Variants in SIDT2 observed in about 807,000 individuals in gnomAD.
The protein encoded by SIDT2 is SID1 transmembrane family member 2.
In SIDT2, 68 loss-of-function variants were observed where a neutral mutation model predicts 114.4. The observed-to-expected ratio is 0.59, with a 90% CI of 0.49 to 0.73. The LOEUF (loss-of-function observed/expected upper bound fraction) is 0.73, where lower values mean the gene tolerates loss of function less well. Ranked by LOEUF, SIDT2 falls within the 30% of genes least tolerant of loss-of-function variation. The pLI is 0.00. For missense variants in SIDT2, 918 were observed against 1,097.1 expected, an observed-to-expected ratio of 0.84 and a Z score of 2.31; for synonymous variants, 470 against 438.4, an observed-to-expected ratio of 1.07 and a Z score of -0.90.
At chr11:117,194,893 C>T (rs2030834100) in intron 24 of SIDT2, among the ~76,000 whole-genome samples, 1 of 151,904 alleles carries the variant, frequency 6.6e-6, no homozygotes, top group African/African-American at 2.4e-5. Context: ...TTGAGACCAT[C>T]CTGGCCAACA....
At chr11:117,180,771 GAT>G in intron 1 of SIDT2, among the ~76,000 whole-genome samples, 1 of 151,996 alleles carries the variant, frequency 6.6e-6, no homozygotes, top group Non-Finnish European at 1.5e-5. Flanking sequence ...CCTGACCTCA[GAT>G]GATCCTCCTG....
At chr11:117,184,258 AG>A in intron 8 of SIDT2, 119 bp downstream of exon 8, 1 of 946,238 alleles carries the variant, frequency 1.1e-6, no homozygotes, top group Non-Finnish European at 1.6e-6. Context: ...CTGGTGGGGT[AG>A]GAACGGGGAG....
At chr11:117,187,788 G>T (rs1345748666) in intron 12 of SIDT2, 89 bp downstream of exon 12, 9 of 1,291,746 alleles carry the variant, frequency 7.0e-6, no homozygotes, top group Non-Finnish European at 1.0e-5. Context: ...TCTTCTGCCA[G>T]ATGCTGGAAC....
intron 2 of SIDT2, 48 bp from the exon 3 acceptor site, chr11:117,181,759 G>A (rs1365295527): frequency 1.6e-5 from 25 of 1,611,970 alleles, no homozygotes; most frequent in Non-Finnish European, 2.0e-5. Flanking sequence ...GGAGGGGCAG[G>A]CCGGCTGGGA....
chr11:117,180,149 G>T (rs2030220362), intron 1 of SIDT2, among the ~76,000 whole-genome samples: 2 of 152,180 alleles, frequency 1.3e-5, no homozygotes, highest in Admixed American at 1.3e-4. Context: ...TTGCAACCTG[G>T]CTGTGTGGTC....
At position 117,196,228 on chromosome 11, in the gene SIDT2, TG is replaced by T; in HGVS notation, c.*166del. On this transcript the variant is annotated 3_prime_UTR_variant, in exon 26 of 26. Coordinates refer to ENST00000324225, the MANE Select transcript of SIDT2 (RefSeq NM_001040455.2). The surrounding 1 kb of genome is among the most constrained non-coding windows in gnomAD (Gnocchi z 4.9). Reference sequence around the variant, plus strand: ...GCTTAGGCTTGGCCTGGGACAGCCATGGGGTGGCATGGAACCTTGCAGCTGC... The same window carrying T: ...GCTTAGGCTTGGCCTGGGACAGCCATGGGTGGCATGGAACCTTGCAGCTGC... 1.1e-6 allele frequency: 1 copy of T among 908,042 alleles called. No homozygotes were observed. The highest frequency in any genetic ancestry group is 1.7e-6 in the Non-Finnish European group (1 of 606,038). 56.2% of individuals were successfully genotyped at this position (908,042 alleles called of 1,614,324 possible). A position where few individuals can be genotyped will look rare whatever the true frequency, so the allele number is the denominator to read the frequency against.
Position 117,196,204 on chromosome 11 carries a change from C to T in SIDT2, c.*138C>T, listed in dbSNP as rs1225871045. On this transcript the variant is annotated 3_prime_UTR_variant, in exon 26 of 26. Transcript: ENST00000324225. This position sits in a 1 kb window ranked among gnomAD's most constrained non-coding sequence, Gnocchi z 4.9. ...ATGGCAGCAGGACAGCCAGGTCTAGCTTAGGCTTGGCCTGGGACAGCCATG... is the reference window on the plus strand; with the variant it reads ...ATGGCAGCAGGACAGCCAGGTCTAGTTTAGGCTTGGCCTGGGACAGCCATG... The T allele has an allele frequency of 8.2e-7, 1 of 1,217,594 alleles. No individual in the cohort carries two copies. The highest frequency in any genetic ancestry group is 1.5e-5 in the African/African-American group (1 of 66,784). The allele number at this position is 1,217,594 out of a possible 1,614,324, so 75.4% of individuals were successfully genotyped here.
At chr11:117,194,955 T>G (rs2030837376) in intron 24 of SIDT2, among the ~76,000 whole-genome samples, 2 of 151,324 alleles carry the variant, frequency 1.3e-5, no homozygotes, top group Admixed American at 1.3e-4. Context: ...GGCGTGATGG[T>G]GGGCGCCTGT....
At position 117,179,229 on chromosome 11, in the gene SIDT2, G is replaced by C. The variant is rs757071421; in HGVS notation, c.-35G>C. The C allele has an allele frequency of 1.6e-5, 26 of 1,586,240 alleles. No homozygotes were observed. The highest frequency in any genetic ancestry group is 2.1e-5 in the Non-Finnish European group (25 of 1,167,144). On this transcript the variant is annotated 5_prime_UTR_variant, in exon 1 of 26. Transcript: ENST00000324225. Reference sequence around the variant, plus strand: ...CCTGTCTCCTGTCGCCGCCGCCGCCGCCACCACCGCTGCCACTGCCGCCCT... The same window carrying C: ...CCTGTCTCCTGTCGCCGCCGCCGCCCCCACCACCGCTGCCACTGCCGCCCT...
In SIDT2 at chr11:117,192,089, C is replaced by T. The variant is rs937365533; in HGVS notation, c.1872+75C>T. On this transcript the variant is annotated intron_variant, in intron 19 of 25. Coordinates refer to ENST00000324225, the MANE Select transcript of SIDT2 (RefSeq NM_001040455.2). The surrounding 1 kb of genome is among the most constrained non-coding windows in gnomAD (Gnocchi z 5.9). ...GTGCGTTCAGACACGTAGTGCACAC[C>T]CTCCGCCACCTCCTGCATGAGAGAT... 6.3e-5 allele frequency: 100 copies of T among 1,590,030 alleles called. No individual in the cohort carries two copies. The highest frequency in any genetic ancestry group is 5.8e-5 in the Non-Finnish European group (67 of 1,164,178).
At position 117,195,864 on chromosome 11, in the gene SIDT2, C is replaced by T. The variant is rs1469218732; in HGVS notation, c.2385C>T (p.Asp795=). The part of the protein sequence containing the change: ...RDCILLDFFD[D]HDIWHFLSSI... ...GCATCCTCCTCGACTTCTTTGACGA[C>T]CACGACATCTGGCACTTCCTCTCCT... is the stretch of plus-strand genomic sequence containing the variant. The change falls in exon 25 of 26, where the codon GAC becomes GAT. Residue 795 remains aspartate, a synonymous_variant. Transcript: ENST00000324225. 1 of 1,614,252 alleles carries T rather than the reference C, an allele frequency of 6.2e-7. No homozygotes were observed. The highest frequency in any genetic ancestry group is 1.7e-5 in the Admixed American group (1 of 60,038).
intron 15 of SIDT2, 38 bp downstream of exon 15, chr11:117,189,439 A>G (rs1454404375): frequency 1.2e-6 from 2 of 1,603,256 alleles, no homozygotes; most frequent in Non-Finnish European, 8.5e-7. Flanking sequence ...CCGACAGCCT[A>G]GGACACCGCC....
At position 117,192,636 on chromosome 11, in the gene SIDT2, G is replaced by A. The variant is rs376429964; in HGVS notation, c.2044G>A (p.Gly682Arg). 7.0e-5 allele frequency: 113 copies of A among 1,612,208 alleles called. No individual in the cohort carries two copies. The highest frequency in any genetic ancestry group is 3.2e-4 in the Admixed American group (19 of 60,010). ...CACAGACTGCATCCGGCAGTGCAGC[G>A]GGCCGCTCTACGTGGTACCTGCCTG... ...LYTDCIRQCS[G>R]PLYVDRMVLL... The change falls in exon 21 of 26, where the codon GGG becomes AGG. Residue 682 changes from glycine (G) to arginine (R), a missense_variant. This residue lies in a region of SIDT2 where 275 missense variants were observed against 397.6 expected (regional missense o/e 0.69). Coordinates refer to ENST00000324225, the MANE Select transcript of SIDT2 (RefSeq NM_001040455.2). This position sits in a 1 kb window ranked among gnomAD's most constrained non-coding sequence, Gnocchi z 5.9.
chr11:117,182,368 G>C, intron 4 of SIDT2, 151 bp from the exon 5 acceptor site: 1 of 750,084 alleles, frequency 1.3e-6, no homozygotes, highest in Non-Finnish European at 2.2e-6. Flanking sequence ...GAAAGGGGCT[G>C]CTGTGATCAA....
chr11:117,184,942 G>T (rs891899202), intron 8 of SIDT2, among the ~76,000 whole-genome samples: 22 of 152,174 alleles, frequency 1.4e-4, no homozygotes, highest in African/African-American at 5.3e-4. Context: ...GGCCAGGCTG[G>T]TCTTGAACTC....
chr11:117,196,031 G>T lies in SIDT2; in HGVS notation c.2464G>T (p.Asp822Tyr). 1.2e-6 allele frequency: 2 copies of T among 1,614,228 alleles called. No individual in the cohort carries two copies. The highest frequency in any genetic ancestry group is 1.7e-6 in the Non-Finnish European group (2 of 1,180,048). ...LVLLTLDDDL[D>Y]TVQRDKIYVF Reference sequence around the variant, plus strand: ...GTTGCTGACACTGGATGACGACCTGGATACTGTGCAGCGGGACAAGATCTA... The same window carrying T: ...GTTGCTGACACTGGATGACGACCTGTATACTGTGCAGCGGGACAAGATCTA... The change falls in exon 26 of 26, where the codon GAT (aspartate) becomes TAT (tyrosine). Residue 822 changes from aspartate (D) to tyrosine (Y), a missense_variant. Physicochemically the swap from Asp to Tyr is radical, Grantham distance 160. Transcript: ENST00000324225. The surrounding 1 kb of genome is among the most constrained non-coding windows in gnomAD (Gnocchi z 4.9).
At position 117,190,760 on chromosome 11, in the gene SIDT2, T is replaced by C. The variant is rs2030669970; in HGVS notation, c.1735+20T>C. 1 of 1,594,192 alleles carries C rather than the reference T, an allele frequency of 6.3e-7. No individual in the cohort carries two copies. The highest frequency in any genetic ancestry group is 2.2e-5 in the East Asian group (1 of 44,794). On this transcript the variant is annotated intron_variant, in intron 18 of 25. Transcript: ENST00000324225. The surrounding 1 kb of genome is among the most constrained non-coding windows in gnomAD (Gnocchi z 4.1). ...AGTTTGGTGAGTGGGGCGTCCTTCTTTTCTGGCTCAACCTACAGCAGGGAC... is the reference window on the plus strand; with the variant it reads ...AGTTTGGTGAGTGGGGCGTCCTTCTCTTCTGGCTCAACCTACAGCAGGGAC...
At chr11:117,185,015 C>T (rs547170033) in intron 8 of SIDT2, among the ~76,000 whole-genome samples, 7 of 151,308 alleles carry the variant, frequency 4.6e-5, no homozygotes, top group South Asian at 2.1e-4. Context: ...CATGAGCCAC[C>T]GTGCCCAGCC....
At chr11:117,179,578 C>T in intron 1 of SIDT2, 132 bp downstream of exon 1, 3 of 849,660 alleles carry the variant, frequency 3.5e-6, no homozygotes, top group Non-Finnish European at 5.3e-6. Context: ...TTCCCAGAAC[C>T]ACACTGGAGC....
Sources: allele counts gnomAD v4.1 joint callset (sites outside exome capture counted in the v4.1 genomes callset), GRCh38; gene constraint gnomAD v4.1.1; regional missense constraint gnomAD v4.1.1; non-coding constraint Gnocchi (gnomAD v3.1); transcripts MANE v1.5; gene names NCBI Gene and HGNC (gene_info 2026-07-23, HGNC 2026-07-21).